HYDIN: variants seen among roughly 807,000 people sequenced by gnomAD.
HYDIN encodes the protein axonemal central pair apparatus protein HYDIN.
Under a neutral mutation model 403.9 loss-of-function variants are expected in HYDIN, and 132 were observed. The ratio of observed to expected loss-of-function variants is 0.33; its 90% CI spans 0.28 to 0.38. HYDIN has a LOEUF of 0.38. HYDIN is among the 10% of genes least tolerant of loss of function. The pLI is 1.00. For missense variants in HYDIN, 2,827 were observed against 5,009.5 expected (o/e 0.56, Z 13.15); for synonymous variants, 1,202 against 1,891.7 (o/e 0.64, Z 9.46).
chr16:71,049,779 ATAACCAAT>A (rs1377267082), intron 18 of HYDIN, among the ~76,000 whole-genome samples: 6 of 146,766 alleles, frequency 4.1e-5, no homozygotes, highest in Admixed American at 1.4e-4. Flanking sequence ...ATAAGCGGCT[ATAACCAAT>A]TACAAATCTT....
chr16:70,908,957 G>T, intron 47 of HYDIN, 96 bp from the exon 48 acceptor site: 1 of 1,464,796 alleles, frequency 6.8e-7, no homozygotes, highest in East Asian at 2.3e-5. Context: ...TGGGGAGATG[G>T]TGCTGCAGGG....
rs780859255 is a variant in HYDIN at position 71,020,237 on chromosome 16, C to A, written c.3267G>T (p.Leu1089=). Residue 1089 remains leucine (L), a synonymous_variant, in exon 22 of 86, where the codon CTG becomes CTT. Transcript: ENST00000393567. ...ATATAAAGAAGGGTCCAGATGTTGACAGCAACAAGTTCACGGGCAGGGTGG... is the reference window on the plus strand; with the variant it reads ...ATATAAAGAAGGGTCCAGATGTTGAAAGCAACAAGTTCACGGGCAGGGTGG... ...NISTLPVNLL[L]STSGPFFICE... is the part of the protein sequence containing the mutation. 1.9e-6 allele frequency: 3 copies of A among 1,613,988 alleles called. No individual in the cohort carries two copies. Among genetic ancestry groups the A allele is most frequent in the South Asian group, 2.2e-5 (2 of 91,042 alleles).
At position 70,829,793 on chromosome 16, in the gene HYDIN, G is replaced by C. The variant is rs1274466233; in HGVS notation, c.13937C>G (p.Thr4646Arg). ...NFTCQVRSKH[T>R]QTILLSNRTN... ...GCGGTTTGACAGCAGGATGGTCTGCGTGTGCTTGGAGCGCACCTGGCACGT... is the reference window on the plus strand; with the variant it reads ...GCGGTTTGACAGCAGGATGGTCTGCCTGTGCTTGGAGCGCACCTGGCACGT... Residue 4646 changes from threonine (T) to arginine (R), a missense_variant, in exon 81 of 86, where the codon ACG becomes AGG. Physicochemically the swap from Thr to Arg is moderately conservative, Grantham distance 71. Transcript: ENST00000393567. 8.7e-6 allele frequency: 14 copies of C among 1,613,916 alleles called. No homozygotes were observed. In the Admixed American group the frequency reaches 2.3e-4, roughly 27 times the overall value.
intron 12 of HYDIN, among the ~76,000 whole-genome samples, chr16:71,084,324 G>C (rs1356165950): frequency 7.1e-6 from 1 of 140,334 alleles, no homozygotes; most frequent in East Asian, 2.2e-4. Flanking sequence ...CTTGTGCTTA[G>C]ATGCTGATTA....
chr16:71,196,360 T>C (rs561797534), intron 1 of HYDIN, among the ~76,000 whole-genome samples: 4 of 152,226 alleles, frequency 2.6e-5, no homozygotes, highest in South Asian at 2.1e-4. Flanking sequence ...AGTGCCTCAA[T>C]AGAACAAAAA....
At chr16:70,910,519 T>C (rs543150897) in intron 47 of HYDIN, among the ~76,000 whole-genome samples, 68 of 152,310 alleles carry the variant, frequency 4.5e-4, no homozygotes, top group African/African-American at 1.5e-3. Context: ...CATTTTGCAA[T>C]TGTGAATTGT....
At chr16:70,951,633 C>T (rs1370745881) in intron 41 of HYDIN, among the ~76,000 whole-genome samples, 5 of 152,132 alleles carry the variant, frequency 3.3e-5, no homozygotes, top group Non-Finnish European at 5.9e-5. Context: ...CTGAATTCTG[C>T]CCTTCTTACT....
At chr16:70,840,524 G>A (rs2037745179) in intron 75 of HYDIN, among the ~76,000 whole-genome samples, 1 of 152,146 alleles carries the variant, frequency 6.6e-6, no homozygotes, top group African/African-American at 2.4e-5. Flanking sequence ...GCTCCCCATG[G>A]CTTCCTTCCT....
chr16:70,824,057 T>A (rs1372717848), intron 83 of HYDIN, among the ~76,000 whole-genome samples: 2 of 151,926 alleles, frequency 1.3e-5, no homozygotes, highest in East Asian at 1.9e-4. Context: ...TTGAGTTTTA[T>A]ATGTTTTTTT....
At chr16:70,849,628 G>A (rs2038480952) in intron 75 of HYDIN, 98 bp downstream of exon 75, 2 of 699,774 alleles carry the variant, frequency 2.9e-6, no homozygotes, top group East Asian at 5.4e-5. Flanking sequence ...GGAGCTTCTG[G>A]ACACATGGAG....
chr16:71,198,403 T>C (rs184109613), intron 1 of HYDIN, among the ~76,000 whole-genome samples: 12 of 152,278 alleles, frequency 7.9e-5, no homozygotes, highest in South Asian at 4.2e-4. Context: ...TCATAGAGTA[T>C]GTGCAGGATA....
intron 18 of HYDIN, among the ~76,000 whole-genome samples, chr16:71,041,116 TG>T (rs1160859710): frequency 3.4e-5 from 5 of 147,560 alleles, no homozygotes; most frequent in African/African-American, 1.3e-4. Context: ...AGTATTTATT[TG>T]TTGGTCAGTA....
At chr16:71,027,456 G>A in intron 20 of HYDIN, 146 bp downstream of exon 20, 1 of 1,524,098 alleles carries the variant, frequency 6.6e-7, no homozygotes, top group Non-Finnish European at 8.8e-7. Flanking sequence ...AGCAACGGAT[G>A]CTACTATGGT....
At chr16:70,870,721 C>T (rs1292338189) in intron 65 of HYDIN, among the ~76,000 whole-genome samples, 1 of 151,664 alleles carries the variant, frequency 6.6e-6, no homozygotes, top group Non-Finnish European at 1.5e-5. Flanking sequence ...TCTTCACAGG[C>T]AAAATGCAGA....
chr16:71,081,454 G>A (rs1214873777), intron 12 of HYDIN, among the ~76,000 whole-genome samples: 4 of 151,732 alleles, frequency 2.6e-5, no homozygotes, highest in African/African-American at 7.3e-5. Flanking sequence ...CAAACAGGCC[G>A]ACAGGCTATA....
rs573904595 is a variant in HYDIN, at chr16:70,823,743, C to T, written c.14427+3518G>A. Reference sequence around the variant, plus strand: ...TCTTAGCCAAGGATAGTGAAGGGAACGCTCATGCTGTCTTCTGACCTGTCC... The same window carrying T: ...TCTTAGCCAAGGATAGTGAAGGGAATGCTCATGCTGTCTTCTGACCTGTCC... On this transcript the variant is annotated intron_variant, in intron 83 of 85. Coordinates refer to ENST00000393567, the MANE Select transcript of HYDIN (RefSeq NM_001270974.2). Among the ~76,000 whole-genome samples, 84 of 151,704 alleles carry T rather than the reference C, an allele frequency of 5.5e-4. No homozygotes were observed. In the East Asian group the frequency reaches 0.013, roughly 24 times the overall value.
At chr16:71,033,284 C>A (rs2080977686) in intron 18 of HYDIN, among the ~76,000 whole-genome samples, 1 of 152,222 alleles carries the variant, frequency 6.6e-6, no homozygotes, top group Non-Finnish European at 1.5e-5. Flanking sequence ...AAATGCACCA[C>A]ACACATTTTC....
At chr16:70,819,786 C>CT (rs1287818265) in intron 83 of HYDIN, among the ~76,000 whole-genome samples, 2 of 151,460 alleles carry the variant, frequency 1.3e-5, no homozygotes, top group Admixed American at 1.3e-4. Flanking sequence ...CTTTCAACTT[C>CT]TTTGTGTCTT....
At chr16:71,102,421 T>C (rs1429421404) in intron 10 of HYDIN, among the ~76,000 whole-genome samples, 1 of 152,136 alleles carries the variant, frequency 6.6e-6, no homozygotes, top group Non-Finnish European at 1.5e-5. Context: ...GTGCACAAAA[T>C]TGTTTATTAT....
Sources: gnomAD v4.1 joint callset for allele counts (sites outside exome capture counted in the v4.1 genomes callset) on GRCh38, gnomAD v4.1.1 for gene constraint, MANE v1.5 for transcripts, NCBI Gene and HGNC (gene_info 2026-07-23, HGNC 2026-07-21) for gene names.